The following FLRT1 variants were observed in gnomAD, a reference collection of about 807,000 sequenced individuals.
FLRT1 encodes the protein fibronectin leucine rich transmembrane protein 1.
Under a neutral mutation model 30.9 loss-of-function variants are expected in FLRT1, and 14 were observed. That is an observed-to-expected ratio of 0.45 (90% confidence interval 0.30 to 0.71). The LOEUF (loss-of-function observed/expected upper bound fraction) is 0.71. Among genes scored for constraint, FLRT1 ranks in the 30% least tolerant of loss-of-function variants. FLRT1 has a pLI of 0.08. For synonymous variants in FLRT1, 368 were observed against 430.4 expected (o/e 0.85, Z 1.80); for missense variants, 737 against 949.2 (o/e 0.78, Z 2.94).
At position 64,117,457 on chromosome 11, in the gene FLRT1, G is replaced by C; in HGVS notation, c.1190G>C (p.Ser397Thr). 1 of 1,613,028 alleles carries C rather than the reference G, an allele frequency of 6.2e-7. No individual in the cohort carries two copies. Among genetic ancestry groups the C allele is most frequent in the Non-Finnish European group, 8.5e-7 (1 of 1,179,242 alleles). Residue 397 changes from serine to threonine, a missense_variant, in exon 3 of 3, where the codon AGC becomes ACC. Ser to Thr is a moderately conservative substitution (Grantham distance 58). Transcript: ENST00000682287. ...VANAAAKTTA[S>T]NHASATTPQG... ...AATGCGGCTGCCAAGACCACGGCCA[G>C]CAACCACGCCTCTGCCACCACGCCC...
intron 1 of FLRT1, among the ~76,000 whole-genome samples, chr11:64,084,578 TTC>T (rs1292845039): frequency 5.3e-5 from 8 of 152,270 alleles, no homozygotes; most frequent in African/African-American, 1.9e-4. Flanking sequence ...CTCACTTTCC[TTC>T]TCTGTAAAAT....
intron 1 of FLRT1, among the ~76,000 whole-genome samples, chr11:64,092,457 C>T (rs758727193): frequency 8.5e-5 from 13 of 152,182 alleles, no homozygotes; most frequent in South Asian, 2.1e-4. Flanking sequence ...GCCTATGTGC[C>T]GCTGGAGAGG....
intron 1 of FLRT1, among the ~76,000 whole-genome samples, chr11:64,057,681 C>T (rs1313711506): frequency 6.6e-6 from 1 of 152,218 alleles, no homozygotes; most frequent in Non-Finnish European, 1.5e-5. Flanking sequence ...AGGGTGTCTG[C>T]TCCCCCACTC....
intron 1 of FLRT1, among the ~76,000 whole-genome samples, chr11:64,038,757 C>A (rs1487225440): frequency 6.6e-6 from 1 of 152,158 alleles, no homozygotes; most frequent in African/African-American, 2.4e-5. Context: ...ATGATATCAA[C>A]CACCTAGTCA....
At chr11:64,069,806 C>T (rs774587753) in intron 1 of FLRT1, among the ~76,000 whole-genome samples, 10 of 152,216 alleles carry the variant, frequency 6.6e-5, no homozygotes, top group African/African-American at 1.2e-4. Flanking sequence ...ACGCAGCAGA[C>T]GCAACAGGCT....
At position 64,082,338 on chromosome 11, in the gene FLRT1, A is replaced by C. The variant is rs1490918217; in HGVS notation, c.-1037-20856A>C. Among the ~76,000 whole-genome samples the C allele has an allele frequency of 3.3e-5, 5 of 151,014 alleles. No homozygotes were observed. Among genetic ancestry groups the C allele is most frequent in the Non-Finnish European group, 7.4e-5 (5 of 67,724 alleles). On this transcript the variant is annotated intron_variant, in intron 1 of 2. Transcript: ENST00000682287. The surrounding 1 kb of genome is among the most constrained non-coding windows in gnomAD (Gnocchi z 4.5). ...GCTGGGTGGAGGATGATCCGGGGGG[A>C]CCGTGGAAGGCAGGACGGGGGCCAG...
intron 1 of FLRT1, among the ~76,000 whole-genome samples, chr11:64,085,134 G>T (rs554531791): frequency 1.6e-4 from 24 of 152,300 alleles, no homozygotes; most frequent in Admixed American, 1.4e-3. Flanking sequence ...AGGGAGGATT[G>T]GGGGTTCTGG....
At chr11:64,114,402 T>C (rs1307420984) in intron 2 of FLRT1, among the ~76,000 whole-genome samples, 3 of 147,076 alleles carry the variant, frequency 2.0e-5, no homozygotes, top group Non-Finnish European at 4.5e-5. Flanking sequence ...AATGGACAGG[T>C]GGATGCATGG....
At chr11:64,061,980 C>T (rs1482474130) in intron 1 of FLRT1, among the ~76,000 whole-genome samples, 1 of 146,776 alleles carries the variant, frequency 6.8e-6, no homozygotes, top group African/African-American at 2.5e-5. Flanking sequence ...CACCCCCCTG[C>T]CCCCTTCTAC....
intron 1 of FLRT1, among the ~76,000 whole-genome samples, chr11:64,059,787 C>T (rs184877450): frequency 1.9e-3 from 288 of 152,308 alleles, no homozygotes; most frequent in African/African-American, 6.3e-3. Context: ...CTGAGTTTCT[C>T]AGTTAATCAT....
chr11:64,090,444 GATA>G lies in FLRT1; in HGVS notation c.-1037-12744_-1037-12742del, dbSNP rs139401304. ...CCTCCAGCCCGGGCAGCAGTGGGTC[GATA>G]ATAATTTACGAGGCAGCCCCTGAGG... On this transcript the variant is annotated intron_variant, in intron 1 of 2. Coordinates refer to ENST00000682287, the MANE Select transcript of FLRT1 (RefSeq NM_013280.5). This position sits in a 1 kb window ranked among gnomAD's most constrained non-coding sequence, Gnocchi z 4.7. Among the ~76,000 whole-genome samples, 289 of 152,300 alleles carry G rather than the reference GATA, an allele frequency of 1.9e-3. No homozygotes were observed. Among genetic ancestry groups the G allele is most frequent in the Non-Finnish European group, 3.0e-3 (201 of 68,006 alleles).
chr11:64,053,470 T>C (rs546732709), intron 1 of FLRT1, among the ~76,000 whole-genome samples: 10 of 152,226 alleles, frequency 6.6e-5, no homozygotes, highest in Non-Finnish European at 1.2e-4. Context: ...TGGGGATGTC[T>C]GTGGCCCCGA....
intron 1 of FLRT1, among the ~76,000 whole-genome samples, chr11:64,037,762 A>G (rs1435015417): frequency 1.3e-5 from 2 of 152,150 alleles, no homozygotes; most frequent in Non-Finnish European, 2.9e-5. Flanking sequence ...CACACCCCCA[A>G]GGCAGCTGTG....
In FLRT1 at chr11:64,036,034, C is replaced by CAG; in HGVS notation, c.-1163_-1162insAG. On this transcript the variant is annotated 5_prime_UTR_variant, in exon 1 of 3. It removes the in-frame stop codon of an upstream open reading frame in the 5' UTR. Transcript: ENST00000682287. The surrounding 1 kb of genome is among the most constrained non-coding windows in gnomAD (Gnocchi z 5.6). ...CGTGCTCTGCCGCGCGCCGGGGGCT[C>CAG]CTCTCCCGGGCCCCCCTGGGCGCCC... 6.6e-6 allele frequency: 1 copy of CAG among 151,412 alleles called. No individual in the cohort carries two copies. 9.4% of individuals were successfully genotyped at this position (151,412 alleles called of 1,614,324 possible).
At chr11:64,091,570 C>G (rs1175399038) in intron 1 of FLRT1, among the ~76,000 whole-genome samples, 1 of 152,068 alleles carries the variant, frequency 6.6e-6, no homozygotes, top group Admixed American at 6.5e-5. Flanking sequence ...GTCCTTCGGG[C>G]GTTTGCACAG....
intron 2 of FLRT1, among the ~76,000 whole-genome samples, chr11:64,107,729 C>G (rs983706693): frequency 2.6e-5 from 4 of 152,210 alleles, no homozygotes; most frequent in Admixed American, 2.6e-4. Context: ...TGGCTGGCAC[C>G]CTGCCCTGGC....
At chr11:64,052,422 C>T (rs1333388005) in intron 1 of FLRT1, among the ~76,000 whole-genome samples, 1 of 152,214 alleles carries the variant, frequency 6.6e-6, no homozygotes, top group Non-Finnish European at 1.5e-5. Context: ...AGCGATCTTC[C>T]ATCTTAGTCT....
At chr11:64,085,578 C>G (rs1944379789) in intron 1 of FLRT1, among the ~76,000 whole-genome samples, 1 of 152,192 alleles carries the variant, frequency 6.6e-6, no homozygotes, top group Admixed American at 6.5e-5. Context: ...CCGCCCGGGT[C>G]CACCCCAGGC....
intron 2 of FLRT1, among the ~76,000 whole-genome samples, chr11:64,108,203 C>T (rs997956879): frequency 1.4e-4 from 21 of 151,744 alleles, no homozygotes; most frequent in African/African-American, 4.6e-4. Context: ...ATCACAGCTA[C>T]GCGGGAGGCT....
Sources: gnomAD v4.1 joint callset for allele counts (sites outside exome capture counted in the v4.1 genomes callset) on GRCh38, gnomAD v4.1.1 for gene constraint, Gnocchi (gnomAD v3.1) non-coding constraint, MANE v1.5 for transcripts, NCBI Gene and HGNC (gene_info 2026-07-23, HGNC 2026-07-21) for gene names.